Variants in SNX29 observed in about 807,000 individuals in gnomAD.
SNX29 encodes sorting nexin 29.
Under a neutral mutation model 102.1 loss-of-function variants are expected in SNX29, and 78 were observed. The ratio of observed to expected loss-of-function variants is 0.76; its 90% confidence interval spans 0.64 to 0.92. The LOEUF (loss-of-function observed/expected upper bound fraction) is 0.92. Ranked by LOEUF, SNX29 falls within the 40% of genes least tolerant of loss-of-function variation. SNX29 has a pLI of 0.00. For missense variants in SNX29, 1,280 were observed against 1,061.7 expected, an observed-to-expected ratio of 1.21 and a Z score of -2.86; for synonymous variants, 580 against 414.5, an observed-to-expected ratio of 1.40 and a Z score of -4.85.
intron 15 of SNX29, among the ~76,000 whole-genome samples, chr16:12,339,900 G>A (rs990873342): frequency 1.3e-5 from 2 of 152,190 alleles, no homozygotes; most frequent in South Asian, 4.1e-4. Context: ...GTCAGTGGGG[G>A]CGTTTGGTCA....
At chr16:12,431,434 C>CTTCTTCT (rs779738786) in intron 18 of SNX29, among the ~76,000 whole-genome samples, 2 of 136,952 alleles carry the variant, frequency 1.5e-5, no homozygotes, top group African/African-American at 5.4e-5. Context: ...TCTTCTTCTT[C>CTTCTTCT]TTTTTTTTTT....
rs1221164847 is a variant in SNX29, at chr16:12,395,766, A to G, written c.1900-2680A>G. On this transcript the variant is annotated intron_variant, in intron 16 of 20. Coordinates refer to ENST00000566228, the MANE Select transcript of SNX29 (RefSeq NM_032167.5). ...CAGTAGAAAGTTGATTTTTCTTACA[A>G]AATAATCTCTGCTCCACACTCTTTA... is the stretch of plus-strand genomic sequence containing the variant. Among the ~76,000 whole-genome samples, 7 of 152,220 alleles carry G rather than the reference A, an allele frequency of 4.6e-5. No individual in the cohort carries two copies. In the East Asian group the frequency reaches 1.3e-3, roughly 29 times the overall value.
At chr16:12,270,992 A>C (rs2079076303) in intron 14 of SNX29, among the ~76,000 whole-genome samples, 1 of 152,170 alleles carries the variant, frequency 6.6e-6, no homozygotes, top group African/African-American at 2.4e-5. Flanking sequence ...GCAGTGAGTC[A>C]AGATCGCGCC....
intron 14 of SNX29, among the ~76,000 whole-genome samples, chr16:12,200,784 C>G (rs2076895463): frequency 1.3e-5 from 2 of 152,186 alleles, no homozygotes; most frequent in African/African-American, 4.8e-5. Flanking sequence ...CGCTCCCAGC[C>G]CACATGTCTT....
At position 12,127,908 on chromosome 16, in the gene SNX29, C is replaced by G. The variant is rs149196509; in HGVS notation, c.1466+1212C>G. Among the ~76,000 whole-genome samples the G allele has an allele frequency of 1.1e-4, 16 of 152,286 alleles. No individual in the cohort carries two copies. The East Asian group carries it at 1.7e-3, about 17-fold the overall frequency. The stretch of plus-strand genomic sequence containing the variant: ...GGCTTACCTGCAGTTACCCCCTGAA[C>G]TTCTGCAAGCATGATTCAACTGCCT... On this transcript the variant is annotated intron_variant, in intron 12 of 20. Coordinates refer to ENST00000566228, the MANE Select transcript of SNX29 (RefSeq NM_032167.5).
At chr16:12,559,857 T>C (rs1026273324) in intron 20 of SNX29, among the ~76,000 whole-genome samples, 70 of 152,288 alleles carry the variant, frequency 4.6e-4, no homozygotes, top group African/African-American at 1.5e-3. Flanking sequence ...TGCTTTGATT[T>C]AAAATACCAG....
At chr16:11,992,419 C>G (rs552521138) in intron 1 of SNX29, among the ~76,000 whole-genome samples, 26 of 151,980 alleles carry the variant, frequency 1.7e-4, no homozygotes, top group African/African-American at 6.3e-4. Context: ...TATCTAGTTT[C>G]AAAACATTTT....
At chr16:12,294,024 A>G (rs894884252) in intron 15 of SNX29, among the ~76,000 whole-genome samples, 3 of 152,196 alleles carry the variant, frequency 2.0e-5, no homozygotes, top group African/African-American at 4.8e-5. Flanking sequence ...CAGATTCCAG[A>G]CCTGAAGCTC....
intron 15 of SNX29, among the ~76,000 whole-genome samples, chr16:12,343,728 A>T (rs1426104483): frequency 1.3e-5 from 2 of 152,056 alleles, no homozygotes; most frequent in Non-Finnish European, 2.9e-5. Flanking sequence ...GGGCAGGGGC[A>T]GGGGCAGGGT....
At chr16:12,044,588 C>CT (rs1188390805) in intron 5 of SNX29, among the ~76,000 whole-genome samples, 8 of 151,706 alleles carry the variant, frequency 5.3e-5, no homozygotes, top group Non-Finnish European at 8.8e-5. Flanking sequence ...TCTTTCTTTC[C>CT]TTTTTTTTGA....
At chr16:12,284,598 G>A (rs2079534904) in intron 15 of SNX29, among the ~76,000 whole-genome samples, 1 of 152,210 alleles carries the variant, frequency 6.6e-6, no homozygotes, top group South Asian at 2.1e-4. Context: ...CAATGCTTGG[G>A]AGGCCGTTTA....
chr16:12,567,147 T>C (rs1048824864), intron 20 of SNX29, among the ~76,000 whole-genome samples: 4 of 152,222 alleles, frequency 2.6e-5, no homozygotes, highest in African/African-American at 9.6e-5. Context: ...AAACTGGGCT[T>C]GGATACAGCT....
rs1027466893 is a variant in SNX29, at chr16:12,098,541, G to T, written c.1402+19626G>T. 2.0e-5 allele frequency among the ~76,000 whole-genome samples: 3 copies of T among 152,172 alleles called. No homozygotes were observed. Among genetic ancestry groups the T allele is most frequent in the African/African-American group, 7.2e-5 (3 of 41,436 alleles). On this transcript the variant is annotated intron_variant, in intron 11 of 20. Transcript: ENST00000566228. The surrounding 1 kb of genome is among the most constrained non-coding windows in gnomAD (Gnocchi z 6.0). The stretch of plus-strand genomic sequence containing the variant: ...CTTCCAGGTGTCTGTACACACCGTC[G>T]GTTTCATGTGCGCAGACGATTCAGT...
chr16:12,069,630 G>A (rs1035077211), intron 10 of SNX29, among the ~76,000 whole-genome samples: 2 of 152,300 alleles, frequency 1.3e-5, no homozygotes, highest in South Asian at 2.1e-4. Context: ...GACTGTATAA[G>A]AGATGGTAGA....
intron 13 of SNX29, among the ~76,000 whole-genome samples, chr16:12,166,903 A>G (rs1368525005): frequency 6.6e-6 from 1 of 152,226 alleles, no homozygotes; most frequent in African/African-American, 2.4e-5. Context: ...GCAAAACTCA[A>G]GCCCTACTAG....
intron 14 of SNX29, among the ~76,000 whole-genome samples, chr16:12,213,551 C>A (rs2077243597): frequency 6.6e-6 from 1 of 152,116 alleles, no homozygotes. Flanking sequence ...ATGACACACG[C>A]AAAGTAGCAG....
chr16:12,044,211 G>T (rs8051298), intron 5 of SNX29, among the ~76,000 whole-genome samples: 50,964 of 152,112 alleles, frequency 0.34, 9,710 homozygotes, highest in Middle Eastern at 0.44. Context: ...ACTGAATTCC[G>T]TAAGTGGGCA....
chr16:12,214,572 A>ATT (rs796995322), intron 14 of SNX29, among the ~76,000 whole-genome samples: 1 of 148,140 alleles, frequency 6.8e-6, no homozygotes, highest in African/African-American at 2.5e-5. Flanking sequence ...TTGCCTGAAT[A>ATT]TTTTTTTTTT....
At chr16:12,167,007 A>T (rs1184862874) in intron 13 of SNX29, among the ~76,000 whole-genome samples, 1 of 152,050 alleles carries the variant, frequency 6.6e-6, no homozygotes, top group African/African-American at 2.4e-5. Flanking sequence ...TAAACTGGGG[A>T]CTTTCTGTTA....
Sources: gnomAD v4.1 joint callset for allele counts (sites outside exome capture counted in the v4.1 genomes callset) on GRCh38, gnomAD v4.1.1 for gene constraint, Gnocchi (gnomAD v3.1) non-coding constraint, MANE v1.5 for transcripts, NCBI Gene and HGNC (gene_info 2026-07-23, HGNC 2026-07-21) for gene names.